Variants in FARS2 observed in about 807,000 individuals in gnomAD.
The protein encoded by FARS2 is phenylalanyl-tRNA synthetase 2, mitochondrial, also known as phenylalanine--tRNA ligase, mitochondrial.
FARS2 carries 40 observed loss-of-function variants against 46.4 expected under a neutral mutation model. That is an observed-to-expected ratio of 0.86 (90% CI 0.67 to 1.12). FARS2 has a LOEUF of 1.12. FARS2 is among the 50% of genes most tolerant of loss of function. The probability of loss-of-function intolerance (pLI) is 0.00; values close to 1 mark genes in which losing one functional copy is unlikely to be tolerated. For synonymous variants in FARS2, 234 were observed against 214.9 expected, an observed-to-expected ratio of 1.09 and a Z score of -0.78; for missense variants, 513 against 567.9, an observed-to-expected ratio of 0.90 and a Z score of 0.98.
chr6:5,420,913 C>G (rs1762511976), intron 3 of FARS2, among the ~76,000 whole-genome samples: 1 of 151,670 alleles, frequency 6.6e-6, no homozygotes, highest in Non-Finnish European at 1.5e-5. Context: ...GTTGTGGACC[C>G]CAGACCCATT....
At chr6:5,754,036 G>A (rs1327250194) in intron 6 of FARS2, among the ~76,000 whole-genome samples, 2 of 152,188 alleles carry the variant, frequency 1.3e-5, no homozygotes, top group African/African-American at 4.8e-5. Flanking sequence ...ATAAATATGT[G>A]TGTTGCTCAT....
chr6:5,301,993 C>T (rs960802714), intron 1 of FARS2, among the ~76,000 whole-genome samples: 1 of 152,162 alleles, frequency 6.6e-6, no homozygotes, highest in Non-Finnish European at 1.5e-5. Flanking sequence ...TTACAAGGAG[C>T]TCCTTATGTT....
At chr6:5,546,368 A>T (rs954317873) in intron 5 of FARS2, among the ~76,000 whole-genome samples, 1 of 149,736 alleles carries the variant, frequency 6.7e-6, no homozygotes, top group Non-Finnish European at 1.5e-5. Context: ...CTCCTGCCTC[A>T]GCCTCCTGAG....
At position 5,319,671 on chromosome 6, in the gene FARS2, C is replaced by G. The variant is rs190441056; in HGVS notation, c.-21-48879C>G. 1.4e-4 allele frequency among the ~76,000 whole-genome samples: 21 copies of G among 152,314 alleles called. No homozygotes were observed. In the East Asian group the frequency reaches 4.1e-3, roughly 29 times the overall value. ...CTCCTGCTCTAAAAGTTGCCTTGGT[C>G]TCTCACTCTGCCTTATGCCCCTTGG... On this transcript the variant is annotated intron_variant, in intron 1 of 6. Coordinates refer to ENST00000274680, the MANE Select transcript of FARS2 (RefSeq NM_006567.5).
chr6:5,648,799 T>A (rs1777203794), intron 6 of FARS2, among the ~76,000 whole-genome samples: 1 of 152,204 alleles, frequency 6.6e-6, no homozygotes, highest in Non-Finnish European at 1.5e-5. Context: ...TATTACGTAT[T>A]AGCACATTTG....
chr6:5,711,127 G>T (rs1460231078), intron 6 of FARS2, among the ~76,000 whole-genome samples: 1 of 152,148 alleles, frequency 6.6e-6, no homozygotes, highest in Non-Finnish European at 1.5e-5. Flanking sequence ...CCACAATATT[G>T]GGGAATGGGG....
At chr6:5,290,144 A>G (rs1561935078) in intron 1 of FARS2, among the ~76,000 whole-genome samples, 1 of 152,222 alleles carries the variant, frequency 6.6e-6, no homozygotes, top group African/African-American at 2.4e-5. Flanking sequence ...GATTTTTGGT[A>G]TATTTTGATA....
intron 6 of FARS2, among the ~76,000 whole-genome samples, chr6:5,637,151 G>A (rs1395330613): frequency 6.6e-6 from 1 of 152,246 alleles, no homozygotes; most frequent in Non-Finnish European, 1.5e-5. Context: ...GACTTGCAGA[G>A]AAGAGAACCC....
At chr6:5,386,483 A>G (rs1329796971) in intron 2 of FARS2, among the ~76,000 whole-genome samples, 8 of 152,202 alleles carry the variant, frequency 5.3e-5, no homozygotes, top group South Asian at 4.1e-4. Flanking sequence ...TAATTCTGCA[A>G]TGTGGCCAGT....
chr6:5,260,624 G>A, upstream of FARS2: 1 of 665,532 alleles, frequency 1.5e-6, no homozygotes, highest in African/African-American at 2.4e-5. Context: ...CCCCGCCCCC[G>A]GCCCCCGGTG....
chr6:5,381,456 A>G (rs527614612), intron 2 of FARS2, among the ~76,000 whole-genome samples: 1 of 151,862 alleles, frequency 6.6e-6, no homozygotes, highest in Admixed American at 6.6e-5. Context: ...AAAGGGTTTT[A>G]TAGGCTTATT....
chr6:5,584,108 G>GACACACAC (rs143867485), intron 5 of FARS2, among the ~76,000 whole-genome samples: 4,799 of 122,882 alleles, frequency 0.039, 172 homozygotes, highest in African/African-American at 0.042. Flanking sequence ...TTCTCTCTCT[G>GACACACAC]ACACACACAC....
chr6:5,517,477 G>C (rs1437793796), intron 4 of FARS2, among the ~76,000 whole-genome samples: 2 of 151,978 alleles, frequency 1.3e-5, no homozygotes, highest in Non-Finnish European at 2.9e-5. Context: ...GCCTTGTGTG[G>C]TGGCACACGC....
intron 5 of FARS2, among the ~76,000 whole-genome samples, chr6:5,608,079 G>T (rs55790549): frequency 0.021 from 3,152 of 151,382 alleles, 109 homozygotes; most frequent in East Asian, 0.13. Flanking sequence ...CATTGATGTC[G>T]GAAAACGTAG....
chr6:5,453,858 C>T (rs1764657226), intron 4 of FARS2, among the ~76,000 whole-genome samples: 1 of 152,032 alleles, frequency 6.6e-6, no homozygotes, highest in African/African-American at 2.4e-5. Context: ...AATGAGGAAC[C>T]GTACGGGAGA....
intron 4 of FARS2, among the ~76,000 whole-genome samples, chr6:5,444,866 AG>A (rs1764094555): frequency 6.6e-6 from 1 of 152,190 alleles, no homozygotes; most frequent in Non-Finnish European, 1.5e-5. Context: ...CCAGTTTCCA[AG>A]GATGGGCAGT....
rs1762649833 is a variant in FARS2, at chr6:5,764,492, A to G, written c.1218-6799A>G. Among the ~76,000 whole-genome samples the G allele has an allele frequency of 6.6e-6, 1 of 152,106 alleles. No homozygotes were observed. Among genetic ancestry groups the G allele is most frequent in the Non-Finnish European group, 1.5e-5 (1 of 68,022 alleles). ...GCTCCAGACTGAGCTTCTGCATCAG[A>G]CAAGCAGGAGACAGATGAGGAGTGA... On this transcript the variant is annotated intron_variant, in intron 6 of 6. Coordinates refer to ENST00000274680, the MANE Select transcript of FARS2 (RefSeq NM_006567.5). This position sits in a 1 kb window ranked among gnomAD's most constrained non-coding sequence, Gnocchi z 4.1.
intron 5 of FARS2, among the ~76,000 whole-genome samples, chr6:5,599,966 A>G (rs78047713): frequency 6.6e-6 from 1 of 151,902 alleles, no homozygotes; most frequent in Non-Finnish European, 1.5e-5. Flanking sequence ...CCCCATGAAG[A>G]TTTTGGAGCC....
At chr6:5,487,001 G>A (rs1460701830) in intron 4 of FARS2, among the ~76,000 whole-genome samples, 1 of 152,204 alleles carries the variant, frequency 6.6e-6, no homozygotes, top group African/African-American at 2.4e-5. Context: ...GAAGGGCACC[G>A]TCACTGACAG....
Sources: gnomAD v4.1 joint callset for allele counts (sites outside exome capture counted in the v4.1 genomes callset) on GRCh38, gnomAD v4.1.1 for gene constraint, Gnocchi (gnomAD v3.1) non-coding constraint, MANE v1.5 for transcripts, NCBI Gene and HGNC (gene_info 2026-07-23, HGNC 2026-07-21) for gene names.